KCNIP4: variants seen among roughly 807,000 people sequenced by gnomAD.
KCNIP4 encodes potassium voltage-gated channel interacting protein 4.
Under a neutral mutation model 34.0 loss-of-function variants are expected in KCNIP4, and 12 were observed. The ratio of observed to expected loss-of-function variants is 0.35; its 90% CI spans 0.23 to 0.57. The LOEUF is 0.57. Among genes scored for constraint, KCNIP4 ranks in the 20% least tolerant of loss-of-function variants. The probability of loss-of-function intolerance (pLI) is 0.83; values close to 1 mark genes in which losing one functional copy is unlikely to be tolerated. For missense variants in KCNIP4, 238 were observed against 311.7 expected (o/e 0.76, Z 1.78); for synonymous variants, 124 against 102.2 (o/e 1.21, Z -1.29).
At chr4:21,489,644 C>T (rs1388470667) in intron 1 of KCNIP4, among the ~76,000 whole-genome samples, 1 of 152,024 alleles carries the variant, frequency 6.6e-6, no homozygotes, top group Non-Finnish European at 1.5e-5. Flanking sequence ...ATCAATAATA[C>T]ATTTAATTGT....
chr4:20,729,857 A>AGAAT lies in KCNIP4; in HGVS notation c.*224_*225insATTC, dbSNP rs1747505227. 1 of 417,904 alleles carries AGAAT rather than the reference A, an allele frequency of 2.4e-6. No individual in the cohort carries two copies. The highest frequency in any genetic ancestry group is 2.0e-5 in the African/African-American group (1 of 48,858). The allele number at this position is 417,904 out of a possible 1,614,324, so 25.9% of individuals were successfully genotyped here. A position where few individuals can be genotyped will look rare whatever the true frequency, so the allele number is the denominator to read the frequency against. On this transcript the variant is annotated 3_prime_UTR_variant, in exon 9 of 9. Transcript: ENST00000382152. ...ACTTTTGAATATTCACAGAGTATGA[A>AGAAT]ATGAGTTAGACCATCCCCTGAACTC... is the stretch of plus-strand genomic sequence containing the variant.
In KCNIP4 at chr4:21,084,844, AAT is replaced by A. The variant is rs553586024; in HGVS notation, c.62-202137_62-202136del. 7.8e-4 allele frequency among the ~76,000 whole-genome samples: 118 copies of A among 151,682 alleles called. 1 individual carries two copies. The highest frequency in any genetic ancestry group is 2.7e-3 in the African/African-American group (109 of 41,126). ...ACATGTTTTCTTGAAGCCTTATCCAAATATATGATTCCTCTACTAAATGCATG... is the reference window on the plus strand; with the variant it reads ...ACATGTTTTCTTGAAGCCTTATCCAAATATGATTCCTCTACTAAATGCATG... On this transcript the variant is annotated intron_variant, in intron 1 of 8. Coordinates refer to ENST00000382152, the MANE Select transcript of KCNIP4 (RefSeq NM_025221.6).
chr4:21,763,159 C>T (rs1462384848), intron 1 of KCNIP4: 1 of 1,216,234 alleles, frequency 8.2e-7, no homozygotes, highest in Non-Finnish European at 1.1e-6. Flanking sequence ...TTCACACAAA[C>T]AAAATGTGAA....
At chr4:21,040,160 G>A (rs908782128) in intron 1 of KCNIP4, among the ~76,000 whole-genome samples, 1 of 152,108 alleles carries the variant, frequency 6.6e-6, no homozygotes, top group South Asian at 2.1e-4. Context: ...CTGGACATAT[G>A]GTACAATTCA....
In KCNIP4 at chr4:21,721,012, T is replaced by C. The variant is rs562116463; in HGVS notation, c.61+227559A>G. Among the ~76,000 whole-genome samples, 10 of 152,320 alleles carry C rather than the reference T, an allele frequency of 6.6e-5. No individual in the cohort carries two copies. In the South Asian group the frequency reaches 1.9e-3, roughly 28 times the overall value. On this transcript the variant is annotated intron_variant, in intron 1 of 8. Transcript: ENST00000382152. The stretch of plus-strand genomic sequence containing the variant: ...TGTGTCTTTATAGCAGCTTGATTTA[T>C]AATCCTTTGGGTATATACCCAGTAA...
At chr4:21,825,122 G>C (rs1389531573) in intron 1 of KCNIP4, among the ~76,000 whole-genome samples, 2 of 152,052 alleles carry the variant, frequency 1.3e-5, no homozygotes, top group Non-Finnish European at 2.9e-5. Context: ...TTTCATTTCA[G>C]GACTTGACGT....
chr4:21,555,099 A>T (rs1738897773), intron 1 of KCNIP4, among the ~76,000 whole-genome samples: 1 of 152,176 alleles, frequency 6.6e-6, no homozygotes, highest in African/African-American at 2.4e-5. Flanking sequence ...CACAGTTATT[A>T]GCCTGTTCTT....
At chr4:20,926,150 C>T (rs1235479210) in intron 1 of KCNIP4, among the ~76,000 whole-genome samples, 4 of 152,182 alleles carry the variant, frequency 2.6e-5, no homozygotes, top group Non-Finnish European at 4.4e-5. Context: ...ATCCAGGTTC[C>T]CAAATGCCAG....
At position 20,996,801 on chromosome 4, in the gene KCNIP4, A is replaced by C. The variant is rs117670580; in HGVS notation, c.62-114092T>G. 1.3e-3 allele frequency among the ~76,000 whole-genome samples: 198 copies of C among 151,828 alleles called. 1 individual carries two copies. The East Asian group carries it at 0.032, about 24-fold the overall frequency. ...ATGCCTCTTAGCACGTTCATTTCCT[A>C]TCTCATCCCACTTGTGTAGATGCTC... is the stretch of plus-strand genomic sequence containing the variant. On this transcript the variant is annotated intron_variant, in intron 1 of 8. Transcript: ENST00000382152.
intron 1 of KCNIP4, among the ~76,000 whole-genome samples, chr4:21,914,474 C>G (rs1010207100): frequency 6.6e-6 from 1 of 152,144 alleles, no homozygotes; most frequent in East Asian, 1.9e-4. Context: ...TCTGTCAGCC[C>G]CTGGACATGC....
In KCNIP4 at chr4:21,123,026, T is replaced by C. The variant is rs187962608; in HGVS notation, c.62-240317A>G. ...GAGATCAAGACCATCCTGGCTAACA[T>C]GGTGAAACCCCATCTCTACCAAAAA... On this transcript the variant is annotated intron_variant, in intron 1 of 8. Coordinates refer to ENST00000382152, the MANE Select transcript of KCNIP4 (RefSeq NM_025221.6). Among the ~76,000 whole-genome samples the C allele has an allele frequency of 2.2e-3, 337 of 151,934 alleles. 1 individual carries two copies. The highest frequency in any genetic ancestry group is 6.4e-3 in the East Asian group (33 of 5,132).
chr4:21,487,052 C>T (rs2322966), intron 1 of KCNIP4, among the ~76,000 whole-genome samples: 6 of 151,912 alleles, frequency 3.9e-5, no homozygotes, highest in East Asian at 1.9e-4. Flanking sequence ...CCTCCCACAT[C>T]GGCCTCCCAA....
chr4:20,759,423 T>G, intron 3 of KCNIP4, among the ~76,000 whole-genome samples: 1 of 152,146 alleles, frequency 6.6e-6, no homozygotes, highest in East Asian at 1.9e-4. Context: ...CAAGTGACCT[T>G]GGGTGAGATA....
chr4:21,010,247 C>T (rs977926865), intron 1 of KCNIP4, among the ~76,000 whole-genome samples: 4 of 152,174 alleles, frequency 2.6e-5, no homozygotes, highest in Admixed American at 2.0e-4. Flanking sequence ...AACATGTCCA[C>T]ACTTCCCTCC....
chr4:21,483,126 A>G (rs1370122654), intron 1 of KCNIP4, among the ~76,000 whole-genome samples: 1 of 151,286 alleles, frequency 6.6e-6, no homozygotes, highest in Admixed American at 6.6e-5. Context: ...TACCTAATGT[A>G]AATGATGAGT....
intron 1 of KCNIP4, among the ~76,000 whole-genome samples, chr4:21,884,928 C>G (rs956235298): frequency 6.9e-6 from 1 of 144,216 alleles, no homozygotes; most frequent in African/African-American, 2.5e-5. Context: ...CAGTGATACC[C>G]TGCCAACAAA....
chr4:21,235,553 T>C (rs1459189457), intron 1 of KCNIP4, among the ~76,000 whole-genome samples: 1 of 152,188 alleles, frequency 6.6e-6, no homozygotes, highest in Non-Finnish European at 1.5e-5. Context: ...TCCTCAGAGA[T>C]GCCAACTTGA....
At chr4:20,754,658 TAATGA>T (rs1477977083) in intron 4 of KCNIP4, among the ~76,000 whole-genome samples, 1 of 152,242 alleles carries the variant, frequency 6.6e-6, no homozygotes, top group African/African-American at 2.4e-5. Flanking sequence ...TTAACATGAA[TAATGA>T]AATAATTGTT....
At chr4:21,149,850 A>C (rs1752634378) in intron 1 of KCNIP4, among the ~76,000 whole-genome samples, 1 of 152,184 alleles carries the variant, frequency 6.6e-6, no homozygotes, top group African/African-American at 2.4e-5. Context: ...AGCAGGAATA[A>C]AATTATAAAG....
Sources: allele counts gnomAD v4.1 joint callset (sites outside exome capture counted in the v4.1 genomes callset), GRCh38; gene constraint gnomAD v4.1.1; transcripts MANE v1.5; gene names NCBI Gene and HGNC (gene_info 2026-07-23, HGNC 2026-07-21).